The following CELF4 variants were observed in gnomAD, a reference collection of about 807,000 sequenced individuals.
CELF4 encodes CUGBP Elav-like family member 4, also known as CUG-BP- and ETR-3-like factor 4.
CELF4 carries 18 observed loss-of-function variants against 59.9 expected under a neutral mutation model. That is an observed-to-expected ratio of 0.30 (90% CI 0.21 to 0.45). The LOEUF (loss-of-function observed/expected upper bound fraction) is 0.45, where lower values mean the gene tolerates loss of function less well. Among genes scored for constraint, CELF4 ranks in the 20% least tolerant of loss-of-function variants. The pLI is 1.00. For synonymous variants in CELF4, 261 were observed against 267.1 expected, an observed-to-expected ratio of 0.98 and a Z score of 0.22; for missense variants, 456 against 689.0, an observed-to-expected ratio of 0.66 and a Z score of 3.79.
At chr18:37,449,972 C>T (rs2099758579) in intron 2 of CELF4, among the ~76,000 whole-genome samples, 1 of 152,186 alleles carries the variant, frequency 6.6e-6, no homozygotes, top group African/African-American at 2.4e-5. Context: ...GTGCTGAAGT[C>T]CCTGCACTAA....
At chr18:37,311,104 G>C (rs1192328715) in intron 3 of CELF4, among the ~76,000 whole-genome samples, 1 of 152,164 alleles carries the variant, frequency 6.6e-6, no homozygotes. Context: ...GGGCCACAGG[G>C]AATTTGTCGA....
At chr18:37,346,815 G>A (rs908798401) in intron 2 of CELF4, among the ~76,000 whole-genome samples, 1 of 152,098 alleles carries the variant, frequency 6.6e-6, no homozygotes, top group African/African-American at 2.4e-5. Context: ...AGCCATGGGG[G>A]CAGCATGTCT....
At chr18:37,382,872 T>C (rs953817936) in intron 2 of CELF4, among the ~76,000 whole-genome samples, 1 of 152,140 alleles carries the variant, frequency 6.6e-6, no homozygotes, top group African/African-American at 2.4e-5. Context: ...TCCACAGAAA[T>C]GTAAGCGCCC....
chr18:37,324,406 A>G (rs973736876), intron 2 of CELF4, among the ~76,000 whole-genome samples: 1 of 152,206 alleles, frequency 6.6e-6, no homozygotes, highest in African/African-American at 2.4e-5. Flanking sequence ...CACAGAGAGA[A>G]AACCATAGGA....
At chr18:37,416,897 A>G (rs148773661) in intron 2 of CELF4, among the ~76,000 whole-genome samples, 384 of 152,174 alleles carry the variant, frequency 2.5e-3, no homozygotes, top group Middle Eastern at 0.017. Flanking sequence ...CTCTCTGGGG[A>G]ACAGAGAAGG....
intron 2 of CELF4, among the ~76,000 whole-genome samples, chr18:37,392,885 T>C (rs539387661): frequency 6.6e-6 from 1 of 152,322 alleles, no homozygotes; most frequent in South Asian, 2.1e-4. Flanking sequence ...TTCAAAGCTC[T>C]TATCAGCGCC....
chr18:37,519,655 G>T (rs998343102), intron 1 of CELF4, among the ~76,000 whole-genome samples: 5 of 152,180 alleles, frequency 3.3e-5, no homozygotes, highest in Non-Finnish European at 5.9e-5. Flanking sequence ...GGCTGGCTGG[G>T]CCCATTAGGA....
chr18:37,353,238 A>ATATG (rs2098494718), intron 2 of CELF4, among the ~76,000 whole-genome samples: 1 of 140,658 alleles, frequency 7.1e-6, no homozygotes, highest in Non-Finnish European at 1.5e-5. Flanking sequence ...AAAAAAATAT[A>ATATG]TATATATATA....
chr18:37,524,488 C>T (rs2099961206), intron 1 of CELF4, among the ~76,000 whole-genome samples: 1 of 152,222 alleles, frequency 6.6e-6, no homozygotes. Flanking sequence ...TTCCCACCTC[C>T]CCGCTTTTTT....
At chr18:37,273,432 G>A (rs1032551827) in intron 6 of CELF4, 18 of 1,192,348 alleles carry the variant, frequency 1.5e-5, no homozygotes, top group Admixed American at 1.2e-4. Flanking sequence ...GAGGAGACTG[G>A]CTCTGTGGGT....
intron 2 of CELF4, among the ~76,000 whole-genome samples, chr18:37,324,434 C>T (rs1217774824): frequency 1.3e-5 from 2 of 152,156 alleles, no homozygotes; most frequent in African/African-American, 4.8e-5. Flanking sequence ...GCGAGAAGGC[C>T]GCCATCTTCA....
chr18:37,563,787 T>C (rs1348238005), intron 1 of CELF4, among the ~76,000 whole-genome samples: 1 of 151,580 alleles, frequency 6.6e-6, no homozygotes, highest in African/African-American at 2.4e-5. Context: ...TTACTCAACA[T>C]GCCATTAACT....
At chr18:37,498,407 C>T (rs1603642726) in intron 1 of CELF4, among the ~76,000 whole-genome samples, 1 of 141,574 alleles carries the variant, frequency 7.1e-6, no homozygotes, top group Admixed American at 7.1e-5. Context: ...TCTCTTCCCT[C>T]CTCTTCCCTC....
At chr18:37,365,109 G>C (rs937188348) in intron 2 of CELF4, among the ~76,000 whole-genome samples, 1 of 152,170 alleles carries the variant, frequency 6.6e-6, no homozygotes, top group Non-Finnish European at 1.5e-5. Flanking sequence ...TTTTACTGAA[G>C]TAAGGGGTGG....
chr18:37,553,187 G>T (rs537973720), intron 1 of CELF4, among the ~76,000 whole-genome samples: 4 of 152,184 alleles, frequency 2.6e-5, no homozygotes, highest in South Asian at 2.1e-4. Context: ...TCAATAAAAA[G>T]ATTTTTTTTT....
At chr18:37,280,884 A>G (rs537269653) in intron 3 of CELF4, among the ~76,000 whole-genome samples, 4 of 152,324 alleles carry the variant, frequency 2.6e-5, no homozygotes, top group Admixed American at 2.6e-4. Context: ...ACCCCAGTCT[A>G]ACTCTGAGCT....
At chr18:37,435,254 C>G (rs1354419588) in intron 2 of CELF4, among the ~76,000 whole-genome samples, 1 of 152,108 alleles carries the variant, frequency 6.6e-6, no homozygotes, top group Non-Finnish European at 1.5e-5. Flanking sequence ...CTAGAAGCCA[C>G]AAAGATTACA....
At chr18:37,373,862 C>A (rs1454960606) in intron 2 of CELF4, among the ~76,000 whole-genome samples, 2 of 152,170 alleles carry the variant, frequency 1.3e-5, no homozygotes, top group African/African-American at 4.8e-5. Flanking sequence ...AGGACCCATT[C>A]CCAATACCAC....
intron 3 of CELF4, among the ~76,000 whole-genome samples, chr18:37,321,021 A>G (rs1190895956): frequency 6.6e-6 from 1 of 152,034 alleles, no homozygotes; most frequent in East Asian, 1.9e-4. Context: ...TTTGAATCTC[A>G]TCTAGGGGAG....
Sources: gnomAD v4.1 joint callset for allele counts (sites outside exome capture counted in the v4.1 genomes callset) on GRCh38, gnomAD v4.1.1 for gene constraint, MANE v1.5 for transcripts, NCBI Gene and HGNC (gene_info 2026-07-23, HGNC 2026-07-21) for gene names.